Variants in DENND1A observed in about 807,000 individuals in gnomAD.
DENND1A encodes DENN domain containing 1A, also known as DENN domain-containing protein 1A.
DENND1A carries 51 observed loss-of-function variants against 113.7 expected under a neutral mutation model. The observed-to-expected ratio is 0.45, with a 90% CI of 0.36 to 0.57. The LOEUF (loss-of-function observed/expected upper bound fraction) is 0.57. DENND1A is among the 20% of genes least tolerant of loss of function. The probability of loss-of-function intolerance (pLI) is 0.00; values close to 1 mark genes in which losing one functional copy is unlikely to be tolerated. For synonymous variants in DENND1A, 565 were observed against 570.8 expected, an observed-to-expected ratio of 0.99 and a Z score of 0.14; for missense variants, 1,258 against 1,395.9, an observed-to-expected ratio of 0.90 and a Z score of 1.57.
chr9:123,817,692 C>T (rs2132549168), intron 2 of DENND1A, among the ~76,000 whole-genome samples: 1 of 152,268 alleles, frequency 6.6e-6, no homozygotes. Context: ...AAAATGTGTA[C>T]TAACCCTTTG....
intron 7 of DENND1A, among the ~76,000 whole-genome samples, chr9:123,668,053 C>T (rs962210669): frequency 6.6e-6 from 1 of 152,138 alleles, no homozygotes; most frequent in African/African-American, 2.4e-5. Context: ...TGACAACAGG[C>T]TGAACTGATG....
At chr9:123,465,954 G>A (rs563736710) in intron 13 of DENND1A, among the ~76,000 whole-genome samples, 3 of 152,270 alleles carry the variant, frequency 2.0e-5, no homozygotes, top group African/African-American at 4.8e-5. Context: ...TCATCAGACA[G>A]TGGAAACACT....
intron 13 of DENND1A, among the ~76,000 whole-genome samples, chr9:123,484,361 A>G (rs2050608931): frequency 6.6e-6 from 1 of 152,186 alleles, no homozygotes; most frequent in South Asian, 2.1e-4. Flanking sequence ...CTCAGTGTTC[A>G]GAGAGTAAGC....
intron 2 of DENND1A, among the ~76,000 whole-genome samples, chr9:123,802,157 C>G (rs13299637): frequency 6.6e-6 from 1 of 152,158 alleles, no homozygotes; most frequent in Non-Finnish European, 1.5e-5. Flanking sequence ...AACTTGCAAC[C>G]TCTTCTAAGC....
At chr9:123,515,199 G>T (rs1359929374) in intron 13 of DENND1A, among the ~76,000 whole-genome samples, 17 of 152,222 alleles carry the variant, frequency 1.1e-4, no homozygotes, top group African/African-American at 3.9e-4. Flanking sequence ...GATTAGAAAA[G>T]ATATTTTGGA....
At chr9:123,614,468 C>T (rs182467544) in intron 10 of DENND1A, among the ~76,000 whole-genome samples, 1 of 152,288 alleles carries the variant, frequency 6.6e-6, no homozygotes, top group African/African-American at 2.4e-5. Flanking sequence ...ATTATTACCG[C>T]ACTTTCACAA....
At chr9:123,727,468 C>T (rs1051696619) in intron 5 of DENND1A, among the ~76,000 whole-genome samples, 8 of 152,326 alleles carry the variant, frequency 5.3e-5, no homozygotes, top group Admixed American at 3.3e-4. Flanking sequence ...GAGAACAGCA[C>T]TTTTCCGATC....
intron 1 of DENND1A, among the ~76,000 whole-genome samples, chr9:123,914,265 G>A (rs550474533): frequency 1.5e-4 from 23 of 151,758 alleles, no homozygotes; most frequent in South Asian, 6.2e-4. Context: ...AATGCCAGGC[G>A]CAGTGTCTCA....
intron 13 of DENND1A, among the ~76,000 whole-genome samples, chr9:123,469,964 G>A (rs2049266023): frequency 6.6e-6 from 1 of 152,206 alleles, no homozygotes. Flanking sequence ...ATTAAGAGAG[G>A]TAATCACAAG....
Position 123,879,029 on chromosome 9 carries a change from AG to A in DENND1A, c.18-9del. The A allele has an allele frequency of 6.2e-7, 1 of 1,613,750 alleles. No homozygotes were observed. Among genetic ancestry groups the A allele is most frequent in the East Asian group, 2.2e-5 (1 of 44,850 alleles). On this transcript the variant is annotated splice_polypyrimidine_tract_variant and intron_variant, in intron 1 of 23. Transcript: ENST00000394215. ...GTGGTCTCTGGATTCTGCCTACAAA[AG>A]AAACAGATCATGATTACTGACAAAG... is the stretch of plus-strand genomic sequence containing the variant.
Position 123,457,409 on chromosome 9 carries a change from G to A in DENND1A, c.1125C>T (p.Leu375=). 1 of 1,613,990 alleles carries A rather than the reference G, an allele frequency of 6.2e-7. No homozygotes were observed. Among genetic ancestry groups the A allele is most frequent in the Non-Finnish European group, 8.5e-7 (1 of 1,179,914 alleles). The part of the protein sequence containing the change: ...KQFIDGRLDL[L]NSGEGFSDVF... ...CATCACTGAAACCTTCGCCGGAATT[G>A]AGAAGATCTAATCGACCATCAATAA... Residue 375 remains leucine (L), a synonymous_variant, in exon 15 of 24, where the codon CTC becomes CTT. Coordinates refer to ENST00000394215, the MANE Select transcript of DENND1A (RefSeq NM_001352964.2).
Position 123,381,520 on chromosome 9 carries a change from G to A in DENND1A, c.3125C>T (p.Thr1042Ile). The part of the protein sequence containing the change: ...RDPFEDLLQK[T>I]KQDVSPSPAL... ...CGGACTCGGGCTCACGTCTTGCTTGGTTTTCTGTAACAAATCCTCAAAGGG... is the reference window on the plus strand; with the variant it reads ...CGGACTCGGGCTCACGTCTTGCTTGATTTTCTGTAACAAATCCTCAAAGGG... Residue 1042 changes from threonine (T) to isoleucine (I), a missense_variant, in exon 24 of 24, where the codon ACC becomes ATC. Transcript: ENST00000394215. This position sits in a 1 kb window ranked among gnomAD's most constrained non-coding sequence, Gnocchi z 4.7. The A allele has an allele frequency of 1.9e-6, 3 of 1,613,746 alleles. No homozygotes were observed. Among genetic ancestry groups the A allele is most frequent in the Non-Finnish European group, 2.5e-6 (3 of 1,179,980 alleles).
chr9:123,654,443 C>T (rs1363888657), intron 8 of DENND1A, among the ~76,000 whole-genome samples: 1 of 152,018 alleles, frequency 6.6e-6, no homozygotes. Context: ...CACAGCTTGC[C>T]GTCCAAATAG....
intron 7 of DENND1A, among the ~76,000 whole-genome samples, chr9:123,667,293 G>A (rs2063537610): frequency 6.6e-6 from 1 of 152,162 alleles, no homozygotes; most frequent in Non-Finnish European, 1.5e-5. Context: ...TCTTTTCTAT[G>A]AGAGGAGAAC....
chr9:123,574,091 A>G (rs1736230158), intron 12 of DENND1A, among the ~76,000 whole-genome samples: 1 of 148,542 alleles, frequency 6.7e-6, no homozygotes, highest in African/African-American at 2.5e-5. Flanking sequence ...AAAAAAGGTT[A>G]TTATCCTTTT....
intron 12 of DENND1A, among the ~76,000 whole-genome samples, chr9:123,578,423 T>G (rs2058726276): frequency 6.6e-6 from 1 of 152,214 alleles, no homozygotes; most frequent in Non-Finnish European, 1.5e-5. Context: ...TATTCTATCA[T>G]GGCTGGAGAG....
intron 6 of DENND1A, among the ~76,000 whole-genome samples, chr9:123,674,931 C>T (rs1456984604): frequency 6.7e-6 from 1 of 149,368 alleles, no homozygotes; most frequent in East Asian, 2.0e-4. Flanking sequence ...ACATATTATA[C>T]AATTCTGTTT....
chr9:123,467,888 C>T (rs369967514), intron 13 of DENND1A, among the ~76,000 whole-genome samples: 2 of 152,318 alleles, frequency 1.3e-5, no homozygotes, highest in East Asian at 3.9e-4. Context: ...CACACATCTC[C>T]TCCTGCAGAG....
intron 1 of DENND1A, among the ~76,000 whole-genome samples, chr9:123,913,861 C>T (rs945030170): frequency 6.7e-6 from 1 of 149,202 alleles, no homozygotes; most frequent in African/African-American, 2.5e-5. Flanking sequence ...GCTGAGATCA[C>T]GCCATTGCAC....
Sources: allele counts gnomAD v4.1 joint callset (sites outside exome capture counted in the v4.1 genomes callset), GRCh38; gene constraint gnomAD v4.1.1; non-coding constraint Gnocchi (gnomAD v3.1); transcripts MANE v1.5; gene names NCBI Gene and HGNC (gene_info 2026-07-23, HGNC 2026-07-21).